The following MMP16 variants were observed in gnomAD, a reference collection of about 807,000 sequenced individuals.
The protein encoded by MMP16 is matrix metallopeptidase 16.
A neutral mutation model predicts 67.8 loss-of-function variants in MMP16; 12 were observed. That is an observed-to-expected ratio of 0.18 (90% CI 0.11 to 0.29). The LOEUF is 0.29. MMP16 is among the 10% of genes least tolerant of loss of function. MMP16 has a pLI of 1.00. For missense variants in MMP16, 475 were observed against 765.7 expected (o/e 0.62, Z 4.48); for synonymous variants, 249 against 255.9 (o/e 0.97, Z 0.26).
At chr8:88,133,186 C>T (rs749548652) in intron 4 of MMP16, among the ~76,000 whole-genome samples, 7 of 151,410 alleles carry the variant, frequency 4.6e-5, no homozygotes, top group South Asian at 2.1e-4. Flanking sequence ...AAAAAAGAAT[C>T]GTATTGAATT....
intron 1 of MMP16, among the ~76,000 whole-genome samples, chr8:88,321,072 A>T (rs559424607): frequency 2.6e-5 from 4 of 152,322 alleles, no homozygotes; most frequent in Non-Finnish European, 4.4e-5. Flanking sequence ...ATTACTTAGC[A>T]TTCTGTCCTT....
rs1205203306 is a variant in MMP16, at chr8:88,261,135, T to A, written c.133-63829A>T. ...AAATATATTATAAATTTCCTAGCTTTATCATGCAGACATACTGATTCTAAT... is the reference window on the plus strand; with the variant it reads ...AAATATATTATAAATTTCCTAGCTTAATCATGCAGACATACTGATTCTAAT... On this transcript the variant is annotated intron_variant, in intron 1 of 9. Coordinates refer to ENST00000286614, the MANE Select transcript of MMP16 (RefSeq NM_005941.5). Among the ~76,000 whole-genome samples the A allele has an allele frequency of 2.0e-5, 3 of 152,310 alleles. No individual in the cohort carries two copies. In the South Asian group the frequency reaches 6.2e-4, roughly 32 times the overall value.
At chr8:88,233,008 A>G (rs1290618648) in intron 1 of MMP16, among the ~76,000 whole-genome samples, 1 of 152,148 alleles carries the variant, frequency 6.6e-6, no homozygotes, top group Non-Finnish European at 1.5e-5. Context: ...TGGCTCTCCC[A>G]CTTATTATAA....
At chr8:88,151,457 T>G (rs1463608276) in intron 4 of MMP16, among the ~76,000 whole-genome samples, 14 of 150,692 alleles carry the variant, frequency 9.3e-5, no homozygotes, top group African/African-American at 2.9e-4. Flanking sequence ...GACCACATAG[T>G]TGGAAGTAAA....
intron 8 of MMP16, among the ~76,000 whole-genome samples, chr8:88,054,946 T>G (rs1563518741): frequency 6.6e-6 from 1 of 152,176 alleles, no homozygotes; most frequent in African/African-American, 2.4e-5. Context: ...ATGTGTGTAT[T>G]TTCTTAAAAA....
At chr8:88,225,906 CTG>C (rs147523164) in intron 1 of MMP16, among the ~76,000 whole-genome samples, 3 of 151,644 alleles carry the variant, frequency 2.0e-5, no homozygotes, top group Admixed American at 6.6e-5. Context: ...GAAAATTAAC[CTG>C]TGTGTGTGTG....
rs1169993202 is a variant in MMP16 at position 88,032,217 on chromosome 8, T to C, written c.*9244A>G. ...AATTAATAAATACAAAACAAATCAC[T>C]GCACAGCCCTTAACTCTTTGATTGC... On this transcript the variant is annotated 3_prime_UTR_variant, in exon 10 of 10. Transcript: ENST00000286614. The C allele has an allele frequency of 6.6e-6, 1 of 152,176 alleles. No homozygotes were observed. The highest frequency in any genetic ancestry group is 1.5e-5 in the Non-Finnish European group (1 of 68,036). 9.4% of individuals were successfully genotyped at this position (152,176 alleles called of 1,614,324 possible).
intron 6 of MMP16, among the ~76,000 whole-genome samples, chr8:88,100,258 A>C (rs1254755252): frequency 6.6e-6 from 1 of 151,946 alleles, no homozygotes; most frequent in African/African-American, 2.4e-5. Flanking sequence ...AGAATCTACA[A>C]AGAACTCACA....
At chr8:88,154,963 TA>T (rs1443726277) in intron 4 of MMP16, among the ~76,000 whole-genome samples, 1 of 152,126 alleles carries the variant, frequency 6.6e-6, no homozygotes, top group Admixed American at 6.6e-5. Flanking sequence ...AGATCATTAA[TA>T]TTTTCATTTA....
At chr8:88,265,173 C>T (rs1810454618) in intron 1 of MMP16, among the ~76,000 whole-genome samples, 1 of 150,122 alleles carries the variant, frequency 6.7e-6, no homozygotes, top group South Asian at 2.1e-4. Context: ...CTCACCAGCC[C>T]TCAAACTCAG....
intron 1 of MMP16, among the ~76,000 whole-genome samples, chr8:88,298,924 TA>T (rs1010434228): frequency 5.9e-5 from 9 of 152,232 alleles, no homozygotes; most frequent in South Asian, 4.1e-4. Context: ...TTTTAATCAT[TA>T]AAAAAAGTGG....
intron 7 of MMP16, among the ~76,000 whole-genome samples, chr8:88,072,404 G>C (rs940339578): frequency 6.6e-6 from 1 of 152,076 alleles, no homozygotes; most frequent in Non-Finnish European, 1.5e-5. Flanking sequence ...TTTATTGAGC[G>C]GGAGAGCTAC....
chr8:88,039,478 A>G lies in MMP16; in HGVS notation c.*1983T>C, dbSNP rs1303577585. The stretch of plus-strand genomic sequence containing the variant: ...ACTAATCCAATGGAGAAGCAACACC[A>G]GATTTCCTTCAGTTTGTGCCAGTTT... On this transcript the variant is annotated 3_prime_UTR_variant, in exon 10 of 10. Transcript: ENST00000286614. This position sits in a 1 kb window ranked among gnomAD's most constrained non-coding sequence, Gnocchi z 4.5. 6.6e-6 allele frequency: 1 copy of G among 152,616 alleles called. No homozygotes were observed. Among genetic ancestry groups the G allele is most frequent in the African/African-American group, 2.4e-5 (1 of 41,462 alleles). The allele number at this position is 152,616 out of a possible 1,614,324, so 9.5% of individuals were successfully genotyped here.
At chr8:88,205,892 T>G (rs934841322) in intron 1 of MMP16, among the ~76,000 whole-genome samples, 2 of 152,224 alleles carry the variant, frequency 1.3e-5, no homozygotes, top group African/African-American at 2.4e-5. Context: ...TTCTTCTTTT[T>G]ACTCATAATC....
At chr8:88,299,248 G>A (rs995418941) in intron 1 of MMP16, among the ~76,000 whole-genome samples, 2 of 152,112 alleles carry the variant, frequency 1.3e-5, no homozygotes, top group Non-Finnish European at 2.9e-5. Flanking sequence ...CTCAGAAAGT[G>A]AATGCATAAA....
rs909426076 is a variant in MMP16, at chr8:88,296,858, A to C, written c.132+30217T>G. Among the ~76,000 whole-genome samples the C allele has an allele frequency of 1.9e-4, 29 of 150,786 alleles. 1 individual carries two copies. Among genetic ancestry groups the C allele is most frequent in the South Asian group, 2.1e-4 (1 of 4,750 alleles). ...AGACACTGCCTAAAAAAAAAAAAAAACAGCTTGCAATAAAGTAGATAGAGC... is the reference window on the plus strand; with the variant it reads ...AGACACTGCCTAAAAAAAAAAAAAACCAGCTTGCAATAAAGTAGATAGAGC... On this transcript the variant is annotated intron_variant, in intron 1 of 9. Coordinates refer to ENST00000286614, the MANE Select transcript of MMP16 (RefSeq NM_005941.5).
chr8:88,237,204 G>A (rs1809955595), intron 1 of MMP16, among the ~76,000 whole-genome samples: 2 of 152,104 alleles, frequency 1.3e-5, no homozygotes, highest in South Asian at 2.1e-4. Flanking sequence ...AGTATTAAAG[G>A]TAAAAGGGAT....
intron 4 of MMP16, among the ~76,000 whole-genome samples, chr8:88,134,586 A>AT (rs1175168447): frequency 6.6e-6 from 1 of 151,560 alleles, no homozygotes; most frequent in Non-Finnish European, 1.5e-5. Context: ...TGTCTAAATA[A>AT]TTTTAAACCA....
chr8:88,140,115 C>T (rs574039395), intron 4 of MMP16, among the ~76,000 whole-genome samples: 109 of 152,230 alleles, frequency 7.2e-4, no homozygotes, highest in African/African-American at 2.4e-3. Flanking sequence ...CTGCATTCTT[C>T]TCTAGACTTG....
Sources: gnomAD v4.1 joint callset for allele counts (sites outside exome capture counted in the v4.1 genomes callset) on GRCh38, gnomAD v4.1.1 for gene constraint, Gnocchi (gnomAD v3.1) non-coding constraint, MANE v1.5 for transcripts, NCBI Gene and HGNC (gene_info 2026-07-23, HGNC 2026-07-21) for gene names.